The following DMD variants were observed in gnomAD, a reference collection of about 807,000 sequenced individuals.
The protein encoded by DMD is mutant dystrophin.
DMD carries 63 observed loss-of-function variants against 330.1 expected under a neutral mutation model. That is an observed-to-expected ratio of 0.19 (90% CI 0.16 to 0.24). DMD has a LOEUF of 0.24. DMD is among the 10% of genes least tolerant of loss of function. DMD has a pLI of 1.00. For synonymous variants in DMD, 1,223 were observed against 959.8 expected, an observed-to-expected ratio of 1.27 and a Z score of -5.07; for missense variants, 3,344 against 2,684.1, an observed-to-expected ratio of 1.25 and a Z score of -5.43.
At chrX:33,021,055 C>T (rs1602777046) in intron 1 of DMD, among the ~76,000 whole-genome samples, 2 of 111,228 alleles carry the variant, frequency 1.8e-5, no homozygotes, top group African/African-American at 6.5e-5. Flanking sequence ...CTGACAAATA[C>T]GTGCATGCTT....
chrX:32,733,336 C>T (rs1247914668), intron 7 of DMD, among the ~76,000 whole-genome samples: 15 of 109,797 alleles, frequency 1.4e-4, no homozygotes, highest in Non-Finnish European at 2.3e-4. Flanking sequence ...ACCCCACTGT[C>T]AACATTAGAC....
chrX:32,842,280 C>A (rs968232884), intron 4 of DMD, among the ~76,000 whole-genome samples: 12 of 112,423 alleles, frequency 1.1e-4, no homozygotes, highest in African/African-American at 3.9e-4. Context: ...CCTCTAGCCC[C>A]AAAGGGGACT....
At chrX:32,893,990 G>A (rs1031539115) in intron 2 of DMD, among the ~76,000 whole-genome samples, 8 of 110,765 alleles carry the variant, frequency 7.2e-5, no homozygotes, top group Non-Finnish European at 1.5e-4. Flanking sequence ...GCCTCTGGAC[G>A]TGACACATCA....
intron 11 of DMD, among the ~76,000 whole-genome samples, chrX:32,621,611 C>A (rs1289294960): frequency 9.1e-6 from 1 of 110,177 alleles, no homozygotes; most frequent in Non-Finnish European, 1.9e-5. Flanking sequence ...AGGCGCGAGT[C>A]CCCGAACCCA....
Position 32,472,242 on chromosome X carries a change from C to T in DMD, c.2871G>A (p.Gln957=). 1 of 1,210,905 alleles carries T rather than the reference C, an allele frequency of 8.3e-7. No homozygotes were observed. The part of the protein sequence containing the change: ...TMSAIRTWVQ[Q]SETKLSIPQL... ...GAGGTATGGAGAGTTTGGTTTCTGACTGCTGGACCCATGTCCTGATGGCAC... is the reference window on the plus strand; with the variant it reads ...GAGGTATGGAGAGTTTGGTTTCTGATTGCTGGACCCATGTCCTGATGGCAC... Residue 957 remains glutamine (Q), a synonymous_variant, in exon 22 of 79, where the codon CAG becomes CAA. Coordinates refer to ENST00000357033, the MANE Select transcript of DMD (RefSeq NM_004006.3).
intron 77 of DMD, among the ~76,000 whole-genome samples, chrX:31,131,742 T>TA (rs1237361899): frequency 8.9e-6 from 1 of 111,916 alleles, no homozygotes; most frequent in Non-Finnish European, 1.9e-5. Context: ...TTTTCAAAAT[T>TA]AAAAAACAAA....
At chrX:31,423,719 C>T (rs1364640494) in intron 60 of DMD, among the ~76,000 whole-genome samples, 1 of 111,051 alleles carries the variant, frequency 9.0e-6, no homozygotes, top group Non-Finnish European at 1.9e-5. Flanking sequence ...CTGCATCTCC[C>T]AAGCCCATTC....
chrX:31,687,693 C>T (rs1402588333), intron 52 of DMD, among the ~76,000 whole-genome samples: 1 of 112,262 alleles, frequency 8.9e-6, no homozygotes, highest in Non-Finnish European at 1.9e-5. Flanking sequence ...ATGACTGGCC[C>T]TCAGACAGCA....
chrX:31,699,871 AT>A (rs2083684475), intron 52 of DMD, among the ~76,000 whole-genome samples: 1 of 111,518 alleles, frequency 9.0e-6, no homozygotes, highest in Non-Finnish European at 1.9e-5. Context: ...TATTTGAAAA[AT>A]TTTAAAATAG....
chrX:32,465,588 T>TG (rs67554727), intron 23 of DMD, among the ~76,000 whole-genome samples: 3,987 of 28,935 alleles, frequency 0.14, 213 homozygotes, highest in African/African-American at 0.2. Flanking sequence ...TTTTGTTTTT[T>TG]TTTTTTTTTT....
At position 33,009,106 on chromosome X, in the gene DMD, A is replaced by G. The variant is rs754903991; in HGVS notation, c.93+11033T>C. On this transcript the variant is annotated intron_variant, in intron 2 of 78. Coordinates refer to ENST00000357033, the MANE Select transcript of DMD (RefSeq NM_004006.3). ...TGTGTATATATACGTATATATGTATATATATGTGTATATATACGTATATAT... is the reference window on the plus strand; with the variant it reads ...TGTGTATATATACGTATATATGTATGTATATGTGTATATATACGTATATAT... Among the ~76,000 whole-genome samples the G allele has an allele frequency of 1.6e-3, 90 of 56,986 alleles. 9 individuals are homozygous for G. The East Asian group carries it at 0.016, about 10-fold the overall frequency. The allele number at this position is 56,986 out of a possible 115,157, so 49.5% of individuals were successfully genotyped here.
chrX:32,399,394 A>T (rs945373330), intron 30 of DMD, among the ~76,000 whole-genome samples: 4 of 112,027 alleles, frequency 3.6e-5, no homozygotes, highest in Non-Finnish European at 5.6e-5. Context: ...TATAGGAAAA[A>T]ACTAATAATC....
At chrX:32,227,264 C>CATATATATAT (rs57305198) in intron 43 of DMD, among the ~76,000 whole-genome samples, 14 of 35,855 alleles carry the variant, frequency 3.9e-4, no homozygotes, top group Non-Finnish European at 5.4e-4. Context: ...TAAGTCTAAG[C>CATATATATAT]ATATATATAT....
intron 11 of DMD, among the ~76,000 whole-genome samples, chrX:32,616,701 T>TC (rs999042131): frequency 4.6e-5 from 4 of 86,028 alleles, no homozygotes; most frequent in African/African-American, 2.6e-4. Context: ...TTTTTTTTTT[T>TC]TTTTTTTTTT....
chrX:31,703,572 C>T (rs1023426333), intron 52 of DMD, among the ~76,000 whole-genome samples: 1 of 112,179 alleles, frequency 8.9e-6, no homozygotes, highest in Non-Finnish European at 1.9e-5. Context: ...TAACCAAGAA[C>T]TTAAGTACTC....
intron 44 of DMD, among the ~76,000 whole-genome samples, chrX:32,146,744 T>C (rs1488221608): frequency 8.9e-6 from 1 of 112,280 alleles, no homozygotes; most frequent in East Asian, 2.8e-4. Context: ...TTAAGCACCC[T>C]CTATGTGTCT....
At chrX:32,312,308 A>G (rs2097565393) in intron 41 of DMD, among the ~76,000 whole-genome samples, 1 of 111,280 alleles carries the variant, frequency 9.0e-6, no homozygotes, top group Non-Finnish European at 1.9e-5. Context: ...CTTAAAAGAA[A>G]AATAATTCTA....
chrX:32,730,750 G>C (rs1279092606), intron 7 of DMD, among the ~76,000 whole-genome samples: 1 of 112,117 alleles, frequency 8.9e-6, no homozygotes, highest in African/African-American at 3.2e-5. Context: ...ATTTTATTAA[G>C]AGTGTGGAGG....
chrX:32,813,509 C>T (rs1354911668), intron 6 of DMD, among the ~76,000 whole-genome samples: 2 of 111,753 alleles, frequency 1.8e-5, no homozygotes, highest in African/African-American at 3.2e-5. Flanking sequence ...ACAGCATCTA[C>T]GTCATGGAAC....
Sources: gnomAD v4.1 joint callset for allele counts (sites outside exome capture counted in the v4.1 genomes callset) on GRCh38, gnomAD v4.1.1 for gene constraint, MANE v1.5 for transcripts, NCBI Gene and HGNC (gene_info 2026-07-23, HGNC 2026-07-21) for gene names.